Variants in CNTN4 observed in about 807,000 individuals in gnomAD.
CNTN4 encodes contactin-4.
In CNTN4, 77 loss-of-function variants were observed where a neutral mutation model predicts 122.5. The observed-to-expected ratio is 0.63, with a 90% confidence interval of 0.52 to 0.76. CNTN4 has a LOEUF of 0.76. Ranked by LOEUF, CNTN4 falls within the 30% of genes least tolerant of loss-of-function variation. The probability of loss-of-function intolerance (pLI) is 0.00; values close to 1 mark genes in which losing one functional copy is unlikely to be tolerated. For synonymous variants in CNTN4, 512 were observed against 447.0 expected (o/e 1.15, Z -1.83); for missense variants, 1,256 against 1,259.1 (o/e 1.00, Z 0.04).
chr3:2,855,740 T>A (rs929405746), intron 7 of CNTN4, among the ~76,000 whole-genome samples: 2 of 152,226 alleles, frequency 1.3e-5, no homozygotes, highest in Non-Finnish European at 2.9e-5. Flanking sequence ...TCAGGTGGAC[T>A]AACTTCGCTG....
At chr3:2,320,349 A>C (rs1024660329) in intron 2 of CNTN4, among the ~76,000 whole-genome samples, 7 of 152,216 alleles carry the variant, frequency 4.6e-5, no homozygotes, top group African/African-American at 1.7e-4. Context: ...TATAACAGAA[A>C]TAGTAATATA....
At chr3:2,153,697 A>AT (rs1365385185) in intron 2 of CNTN4, among the ~76,000 whole-genome samples, 1 of 152,042 alleles carries the variant, frequency 6.6e-6, no homozygotes, top group East Asian at 1.9e-4. Context: ...ATAATGACCT[A>AT]TTTGTCTTTT....
chr3:2,105,785 G>T (rs551405706), intron 2 of CNTN4, among the ~76,000 whole-genome samples: 2 of 151,972 alleles, frequency 1.3e-5, no homozygotes, highest in African/African-American at 4.8e-5. Flanking sequence ...CCCAACAGTC[G>T]CCCAGAATCT....
intron 2 of CNTN4, among the ~76,000 whole-genome samples, chr3:2,185,571 G>A (rs755166092): frequency 5.9e-5 from 9 of 152,110 alleles, no homozygotes; most frequent in African/African-American, 2.2e-4. Context: ...ATGGGGATGA[G>A]GCTGTGAGCC....
chr3:2,276,880 C>T (rs2041529695), intron 2 of CNTN4, among the ~76,000 whole-genome samples: 1 of 152,068 alleles, frequency 6.6e-6, no homozygotes, highest in Non-Finnish European at 1.5e-5. Context: ...CGCTCCACTG[C>T]ACTCCAGCCT....
rs371884651 is a variant in CNTN4 at position 2,626,679 on chromosome 3, G to A, written c.55+55121G>A. Among the ~76,000 whole-genome samples, 22 of 152,222 alleles carry A rather than the reference G, an allele frequency of 1.4e-4. 1 individual carries two copies. In the South Asian group the frequency reaches 4.6e-3, roughly 32 times the overall value. Reference sequence around the variant, plus strand: ...TTTTTCATCTGTAGCTACACTGTGGGTAGAAAAATAGAAAAATTACTTGTG... The same window carrying A: ...TTTTTCATCTGTAGCTACACTGTGGATAGAAAAATAGAAAAATTACTTGTG... On this transcript the variant is annotated intron_variant, in intron 4 of 24. Transcript: ENST00000418658.
At chr3:2,716,336 T>C (rs1356146617) in intron 4 of CNTN4, among the ~76,000 whole-genome samples, 1 of 150,898 alleles carries the variant, frequency 6.6e-6, no homozygotes, top group Non-Finnish European at 1.5e-5. Context: ...ATATATCTAA[T>C]ATTATTATAT....
chr3:2,410,579 C>T (rs2047193110), intron 3 of CNTN4, among the ~76,000 whole-genome samples: 1 of 152,090 alleles, frequency 6.6e-6, no homozygotes, highest in Non-Finnish European at 1.5e-5. Flanking sequence ...GTCTCATAAC[C>T]TCATATATTG....
intron 12 of CNTN4, among the ~76,000 whole-genome samples, chr3:2,919,972 G>A (rs1874964): frequency 0.56 from 85,183 of 151,748 alleles, 23,915 homozygotes; most frequent in East Asian, 0.69. Context: ...GAGTTTTCAA[G>A]TCTTTTATAA....
At chr3:2,459,195 A>G (rs1368280864) in intron 3 of CNTN4, among the ~76,000 whole-genome samples, 1 of 152,184 alleles carries the variant, frequency 6.6e-6, no homozygotes, top group African/African-American at 2.4e-5. Context: ...ACACTTTCCT[A>G]GGAAGATCTT....
At chr3:2,788,135 A>T (rs1468395391) in intron 6 of CNTN4, among the ~76,000 whole-genome samples, 1 of 152,294 alleles carries the variant, frequency 6.6e-6, no homozygotes, top group African/African-American at 2.4e-5. Flanking sequence ...ATACCATCAC[A>T]TCATCATCAT....
In CNTN4 at chr3:2,809,523, A is replaced by G. The variant is rs72622140; in HGVS notation, c.359-9963A>G. Among the ~76,000 whole-genome samples, 1,508 of 152,296 alleles carry G rather than the reference A, an allele frequency of 9.9e-3. 51 individuals carry two copies. The East Asian group carries it at 0.12, about 12-fold the overall frequency. Reference sequence around the variant, plus strand: ...CTTTGCAGAGCACAGTGAAGGGTCCATATTTTATTCTGAAATTGACCAGGC... The same window carrying G: ...CTTTGCAGAGCACAGTGAAGGGTCCGTATTTTATTCTGAAATTGACCAGGC... On this transcript the variant is annotated intron_variant, in intron 6 of 24. Coordinates refer to ENST00000418658, the MANE Select transcript of CNTN4 (RefSeq NM_175607.3).
chr3:2,358,452 T>C (rs945219525), intron 3 of CNTN4, among the ~76,000 whole-genome samples: 2 of 151,852 alleles, frequency 1.3e-5, no homozygotes, highest in Admixed American at 1.3e-4. Context: ...AAAATGATAA[T>C]TCTCTTTACT....
chr3:2,679,550 A>C (rs1008060380), intron 4 of CNTN4, among the ~76,000 whole-genome samples: 1 of 152,212 alleles, frequency 6.6e-6, no homozygotes, highest in Non-Finnish European at 1.5e-5. Flanking sequence ...GAATAAAGCT[A>C]TTCTTTAAGA....
rs138091934 is a variant in CNTN4, at chr3:2,880,525, A to G, written c.653-2620A>G. 8.9e-3 allele frequency among the ~76,000 whole-genome samples: 1,356 copies of G among 152,288 alleles called. 7 individuals are homozygous for G. Among genetic ancestry groups the G allele is most frequent in the South Asian group, 0.023 (109 of 4,818 alleles). On this transcript the variant is annotated intron_variant, in intron 8 of 24. Transcript: ENST00000418658. ...TTAGCAAGTTCAACAGCTGTGTGTGAATGTTGTTGTGAGTATGCACTGAGT... is the reference window on the plus strand; with the variant it reads ...TTAGCAAGTTCAACAGCTGTGTGTGGATGTTGTTGTGAGTATGCACTGAGT...
At chr3:2,549,506 G>A (rs1174317225) in intron 3 of CNTN4, among the ~76,000 whole-genome samples, 2 of 152,182 alleles carry the variant, frequency 1.3e-5, no homozygotes, top group Non-Finnish European at 2.9e-5. Context: ...TACATTGATT[G>A]ATTAGCATAT....
chr3:2,973,993 T>C (rs1693187997), intron 13 of CNTN4, among the ~76,000 whole-genome samples: 1 of 152,204 alleles, frequency 6.6e-6, no homozygotes. Flanking sequence ...GTACACAGTA[T>C]ACAGACATTA....
chr3:2,802,455 T>C (rs905778805), intron 6 of CNTN4, among the ~76,000 whole-genome samples: 1 of 152,218 alleles, frequency 6.6e-6, no homozygotes, highest in East Asian at 1.9e-4. Context: ...CCCAAGGGAA[T>C]AGCACCGAGG....
intron 4 of CNTN4, among the ~76,000 whole-genome samples, chr3:2,636,014 C>T (rs745681362): frequency 1.3e-5 from 2 of 152,152 alleles, no homozygotes; most frequent in African/African-American, 4.8e-5. Context: ...TACATTTCTT[C>T]CCTGCTATAT....
Sources: allele counts gnomAD v4.1 joint callset (sites outside exome capture counted in the v4.1 genomes callset), GRCh38; gene constraint gnomAD v4.1.1; transcripts MANE v1.5; gene names NCBI Gene and HGNC (gene_info 2026-07-23, HGNC 2026-07-21).